LRRC49: variants seen among roughly 807,000 people sequenced by gnomAD.
LRRC49 encodes leucine rich repeat containing 49.
LRRC49 carries 50 observed loss-of-function variants against 83.3 expected under a neutral mutation model. The ratio of observed to expected loss-of-function variants is 0.60; its 90% confidence interval spans 0.48 to 0.76. The LOEUF is 0.76. Among genes scored for constraint, LRRC49 ranks in the 30% least tolerant of loss-of-function variants. LRRC49 has a pLI of 0.00. For synonymous variants in LRRC49, 286 were observed against 283.3 expected (o/e 1.01, Z -0.10); for missense variants, 704 against 809.1 (o/e 0.87, Z 1.58).
At chr15:70,896,378 T>A (rs2033838263) in intron 3 of LRRC49, among the ~76,000 whole-genome samples, 1 of 152,132 alleles carries the variant, frequency 6.6e-6, no homozygotes, top group Admixed American at 6.5e-5. Flanking sequence ...GTCTATCACT[T>A]GGGATCTTGG....
intron 9 of LRRC49, among the ~76,000 whole-genome samples, chr15:70,974,052 G>A (rs1323262830): frequency 6.6e-6 from 1 of 152,070 alleles, no homozygotes; most frequent in African/African-American, 2.4e-5. Context: ...ACTTGAACCA[G>A]GGAGTTGGAG....
At chr15:71,013,029 C>T (rs2038708316) in intron 14 of LRRC49, 116 bp downstream of exon 14, 6 of 654,634 alleles carry the variant, frequency 9.2e-6, no homozygotes, top group Non-Finnish European at 1.6e-5. Flanking sequence ...GTATCCTAGA[C>T]TGGCCTATTG....
intron 1 of LRRC49, chr15:70,853,950 C>T (rs1261473653): frequency 2.8e-6 from 4 of 1,449,752 alleles, no homozygotes; most frequent in Middle Eastern, 2.1e-4. Flanking sequence ...AGGTACCGGG[C>T]CGGGTCCCCG....
intron 7 of LRRC49, among the ~76,000 whole-genome samples, chr15:70,922,852 T>C (rs2035057702): frequency 6.6e-6 from 1 of 151,914 alleles, no homozygotes; most frequent in East Asian, 1.9e-4. Context: ...AAAAAATTAA[T>C]AAAACTCAAA....
chr15:71,041,605 C>A (rs2039700845), intron 15 of LRRC49, among the ~76,000 whole-genome samples: 1 of 151,952 alleles, frequency 6.6e-6, no homozygotes. Flanking sequence ...ATTAGTGAAG[C>A]ATACAAAAGA....
chr15:70,935,108 A>G (rs924290157), intron 7 of LRRC49, among the ~76,000 whole-genome samples: 2 of 152,218 alleles, frequency 1.3e-5, no homozygotes, highest in African/African-American at 4.8e-5. Context: ...TATATCACCT[A>G]CTGAGGGAAA....
chr15:70,882,560 A>AAG (rs1567034632), intron 2 of LRRC49: 1 of 1,613,926 alleles, frequency 6.2e-7, no homozygotes, highest in Non-Finnish European at 8.5e-7. Flanking sequence ...GTAAATGTCA[A>AAG]AGAGAGAGGA....
intron 8 of LRRC49, among the ~76,000 whole-genome samples, chr15:70,944,144 T>C (rs1200493999): frequency 6.6e-6 from 1 of 152,148 alleles, no homozygotes; most frequent in African/African-American, 2.4e-5. Flanking sequence ...CTCTAGTACA[T>C]GAGAGAAACC....
upstream of LRRC49, among the ~76,000 whole-genome samples, chr15:70,887,852 A>G (rs998458785): frequency 1.3e-5 from 2 of 152,208 alleles, no homozygotes; most frequent in African/African-American, 4.8e-5. Flanking sequence ...ATTGAAATTA[A>G]TAAGTGAGTT....
chr15:70,974,953 A>G (rs2037154253), intron 9 of LRRC49, among the ~76,000 whole-genome samples: 1 of 152,250 alleles, frequency 6.6e-6, no homozygotes, highest in South Asian at 2.1e-4. Context: ...ATTCAGTATT[A>G]TACAAGATTA....
chr15:70,950,907 C>G (rs1449174873), intron 8 of LRRC49, among the ~76,000 whole-genome samples: 1 of 152,098 alleles, frequency 6.6e-6, no homozygotes, highest in Non-Finnish European at 1.5e-5. Context: ...AGATTTAAGT[C>G]TTTAATCCAT....
At chr15:71,023,283 A>AGAAAT (rs1389051849) in intron 14 of LRRC49, among the ~76,000 whole-genome samples, 3 of 152,246 alleles carry the variant, frequency 2.0e-5, no homozygotes, top group Non-Finnish European at 4.4e-5. Context: ...GTTAAAGAAA[A>AGAAAT]GAAATGATGT....
intron 7 of LRRC49, among the ~76,000 whole-genome samples, chr15:70,924,376 C>T (rs1481401358): frequency 6.6e-6 from 1 of 151,592 alleles, no homozygotes; most frequent in African/African-American, 2.4e-5. Flanking sequence ...GTTATATTTT[C>T]CCTATGTTTT....
At chr15:70,878,490 T>A (rs1490893554) in intron 2 of LRRC49, among the ~76,000 whole-genome samples, 2 of 150,936 alleles carry the variant, frequency 1.3e-5, no homozygotes, top group African/African-American at 4.8e-5. Flanking sequence ...TTCAGTATGA[T>A]GTTGAATAAA....
intron 11 of LRRC49, among the ~76,000 whole-genome samples, chr15:70,988,677 T>C (rs1041821499): frequency 6.6e-6 from 1 of 152,086 alleles, no homozygotes; most frequent in African/African-American, 2.4e-5. Context: ...GATCCTGTCA[T>C]TATGATGTTA....
intron 9 of LRRC49, among the ~76,000 whole-genome samples, chr15:70,975,564 A>G (rs1378400157): frequency 2.0e-5 from 3 of 152,048 alleles, no homozygotes; most frequent in Admixed American, 1.3e-4. Flanking sequence ...GTGGAGGCAC[A>G]CGCCTGTAGT....
At chr15:70,887,603 T>C (rs1384248530), upstream of LRRC49, among the ~76,000 whole-genome samples, 1 of 151,652 alleles carries the variant, frequency 6.6e-6, no homozygotes, top group East Asian at 1.9e-4. Flanking sequence ...TTTCTTTTTA[T>C]TACAAAGAGA....
At position 71,023,106 on chromosome 15, in the gene LRRC49, A is replaced by G. The variant is rs939112736; in HGVS notation, c.1703+10193A>G. Among the ~76,000 whole-genome samples, 42 of 152,360 alleles carry G rather than the reference A, an allele frequency of 2.8e-4. 2 individuals carry two copies. Among genetic ancestry groups the G allele is most frequent in the African/African-American group, 7.7e-4 (32 of 41,588 alleles). ...ATCTGAAACTACCTTGAACTGAAAT[A>G]TAATAAAAATACCCATTTCAAAACT... On this transcript the variant is annotated intron_variant, in intron 14 of 15. Transcript: ENST00000260382.
intron 8 of LRRC49, among the ~76,000 whole-genome samples, chr15:70,938,409 G>C (rs1408468103): frequency 6.6e-6 from 1 of 152,144 alleles, no homozygotes; most frequent in Non-Finnish European, 1.5e-5. Context: ...AATTCTCTCT[G>C]TGATTGCTTT....
Sources: allele counts gnomAD v4.1 joint callset (sites outside exome capture counted in the v4.1 genomes callset), GRCh38; gene constraint gnomAD v4.1.1; transcripts MANE v1.5; gene names NCBI Gene and HGNC (gene_info 2026-07-23, HGNC 2026-07-21).